The following ZNF503 variants were observed in gnomAD, a reference collection of about 807,000 sequenced individuals.
ZNF503 encodes zinc finger protein 503.
A neutral mutation model predicts 34.4 loss-of-function variants in ZNF503; 15 were observed. The observed-to-expected ratio is 0.44, with a 90% CI of 0.29 to 0.67. The LOEUF (loss-of-function observed/expected upper bound fraction) is 0.67. ZNF503 is among the 30% of genes least tolerant of loss of function. The pLI is 0.13. For synonymous variants in ZNF503, 580 were observed against 456.8 expected (o/e 1.27, Z -3.44); for missense variants, 1,007 against 926.8 (o/e 1.09, Z -1.12).
chr10:75,326,163 A>G, the ZNF503 span, among the ~76,000 whole-genome samples: 1 of 152,252 alleles, frequency 6.6e-6, no homozygotes, highest in Non-Finnish European at 1.5e-5. Context: ...GTAGAAATAC[A>G]ATTGATTTTT....
chr10:75,287,339 A>C, the ZNF503 span, among the ~76,000 whole-genome samples: 5 of 151,952 alleles, frequency 3.3e-5, no homozygotes, highest in African/African-American at 9.7e-5. Flanking sequence ...ATATCTGAAC[A>C]CAAGCACACT....
chr10:75,354,038 G>A, the ZNF503 span, among the ~76,000 whole-genome samples: 28 of 152,344 alleles, frequency 1.8e-4, no homozygotes, highest in African/African-American at 6.0e-4. Flanking sequence ...CATTTGAGCT[G>A]TCTTCAGGAG....
the ZNF503 span, among the ~76,000 whole-genome samples, chr10:75,299,430 T>C: frequency 6.6e-6 from 1 of 152,336 alleles, no homozygotes; most frequent in African/African-American, 2.4e-5. Flanking sequence ...AGTATTACTG[T>C]CGAATTATCT....
At position 75,399,150 on chromosome 10, in the gene ZNF503, G is replaced by GGGGGAGTGGGTCGTT; in HGVS notation, c.1525_1539dup (p.Asn509_Pro513dup). The GGGGGAGTGGGTCGTT allele has an allele frequency of 6.2e-7, 1 of 1,613,302 alleles. No homozygotes were observed. The highest frequency in any genetic ancestry group is 1.1e-5 in the South Asian group (1 of 91,052). On this transcript the variant is annotated inframe_insertion, in exon 2 of 2. Coordinates refer to ENST00000372524, the MANE Select transcript of ZNF503 (RefSeq NM_032772.6). The stretch of plus-strand genomic sequence containing the variant: ...TTGGCCGACACCCAGTTGCAGATGT[G>GGGGGAGTGGGTCGTT]GGGGAGTGGGTCGTTAGGGAGCATA...
chr10:75,337,771 A>G, the ZNF503 span, among the ~76,000 whole-genome samples: 1 of 152,258 alleles, frequency 6.6e-6, no homozygotes, highest in Admixed American at 6.5e-5. Flanking sequence ...AGGACCACTT[A>G]GGTTCAGTGG....
rs1843728237 is a variant in ZNF503, at chr10:75,398,373, CAAACT to C, written c.*371_*375del. 1 of 175,410 alleles carries C rather than the reference CAAACT, an allele frequency of 5.7e-6. No individual in the cohort carries two copies. The allele number at this position is 175,410 out of a possible 1,614,324, so 10.9% of individuals were successfully genotyped here. A position where few individuals can be genotyped will look rare whatever the true frequency, so the allele number is the denominator to read the frequency against. On this transcript the variant is annotated 3_prime_UTR_variant, in exon 2 of 2. Transcript: ENST00000372524. ...CCACCTCCTTTTTACCTACAGAGCT[CAAACT>C]AAATAATGCACTTTTGAACCACCGG...
At chr10:75,319,205 A>T in the ZNF503 span, among the ~76,000 whole-genome samples, 2 of 152,088 alleles carry the variant, frequency 1.3e-5, no homozygotes, top group Admixed American at 1.3e-4. Flanking sequence ...GACTCAAGCA[A>T]TCCCTCCCAA....
At chr10:75,296,089 C>T in the ZNF503 span, among the ~76,000 whole-genome samples, 4 of 152,162 alleles carry the variant, frequency 2.6e-5, no homozygotes, top group South Asian at 2.1e-4. Context: ...ATTATAGCCC[C>T]GTGGTAATAA....
the ZNF503 span, among the ~76,000 whole-genome samples, chr10:75,349,829 T>C: frequency 6.6e-6 from 1 of 152,120 alleles, no homozygotes; most frequent in African/African-American, 2.4e-5. Flanking sequence ...ACAAAAAAAA[T>C]GAATGTTTGT....
the ZNF503 span, among the ~76,000 whole-genome samples, chr10:75,344,413 A>G: frequency 6.6e-6 from 1 of 152,252 alleles, no homozygotes; most frequent in Non-Finnish European, 1.5e-5. Flanking sequence ...GGCACAGCTC[A>G]GACCAATAAG....
chr10:75,323,062 T>C, the ZNF503 span, among the ~76,000 whole-genome samples: 1 of 152,186 alleles, frequency 6.6e-6, no homozygotes, highest in Non-Finnish European at 1.5e-5. Context: ...TTGTTCCGTG[T>C]TTTCCCCTTG....
the ZNF503 span, chr10:75,358,964 C>A: frequency 6.6e-6 from 1 of 152,268 alleles, no homozygotes; most frequent in East Asian, 1.9e-4. Context: ...CTCCGGTCCA[C>A]CCTGGGTGCA....
chr10:75,378,909 C>T, the ZNF503 span, among the ~76,000 whole-genome samples: 27 of 152,134 alleles, frequency 1.8e-4, 1 homozygote, highest in Non-Finnish European at 4.0e-4. Context: ...AAAGAAGCTG[C>T]AATTTCCTTT....
Position 75,401,359 on chromosome 10 carries a change from C to T in ZNF503, c.61G>A (p.Gly21Ser), listed in dbSNP as rs1843813440. The T allele has an allele frequency of 1.3e-6, 2 of 1,537,890 alleles. No individual in the cohort carries two copies. Among genetic ancestry groups the T allele is most frequent in the Non-Finnish European group, 1.7e-6 (2 of 1,145,816 alleles). The change falls in exon 1 of 2, where the codon GGC becomes AGC. Residue 21 changes from glycine (G) to serine (S), a missense_variant. Transcript: ENST00000372524. The stretch of plus-strand genomic sequence containing the variant: ...TCTGCACCGCCGCCTCCGCCTCCGC[C>T]GCCGCCGCCGCCGCTGTGCTTACTG... ...RSSKHSGGGG[G>S]GGGGGGADPA...
the ZNF503 span, among the ~76,000 whole-genome samples, chr10:75,346,708 C>G: frequency 1.3e-5 from 2 of 152,092 alleles, no homozygotes; most frequent in African/African-American, 2.4e-5. Context: ...TCCCAAAGTA[C>G]TGGGATTACA....
At chr10:75,396,852 G>T (rs1282768809), downstream of ZNF503, among the ~76,000 whole-genome samples, 1 of 152,242 alleles carries the variant, frequency 6.6e-6, no homozygotes, top group Admixed American at 6.5e-5. The surrounding 1 kb of genome is among the most constrained non-coding windows in gnomAD (Gnocchi z 4.4). Context: ...CCCCCCAAAA[G>T]GGACTGAGAC....
chr10:75,400,347 G>A lies in ZNF503; in HGVS notation c.343C>T (p.Leu115=), dbSNP rs376800412. 4.3e-6 allele frequency: 7 copies of A among 1,610,288 alleles called. No homozygotes were observed. The highest frequency in any genetic ancestry group is 5.9e-6 in the Non-Finnish European group (7 of 1,177,852). The change falls in exon 2 of 2, where the codon CTG becomes TTG. Residue 115 remains leucine, a synonymous_variant. Coordinates refer to ENST00000372524, the MANE Select transcript of ZNF503 (RefSeq NM_032772.6). The stretch of plus-strand genomic sequence containing the variant: ...ATCTGCGAACATGTTTGCGCCAACA[G>A]CGCCAGCGGGCTCTTCTTGGCATCG... ...ELDAKKSPLA[L]LAQTCSQIGK... is the part of the protein sequence containing the mutation.
At chr10:75,348,203 C>G in the ZNF503 span, among the ~76,000 whole-genome samples, 2 of 152,092 alleles carry the variant, frequency 1.3e-5, no homozygotes, top group African/African-American at 4.8e-5. Context: ...GCTGGGATTA[C>G]AGTCATGTGC....
Position 75,398,970 on chromosome 10 carries a change from G to T in ZNF503, c.1720C>A (p.His574Asn). Residue 574 changes from histidine to asparagine, a missense_variant, in exon 2 of 2, where the codon CAC becomes AAC. His to Asn is a moderately conservative substitution (Grantham distance 68). Transcript: ENST00000372524. ...AAAAAMACHM[H>N]IPTSGAPGSP... is the part of the protein sequence containing the mutation. ...CCCGGTGCGCCCGAGGTGGGGATGT[G>T]CATGTGGCAAGCCATGGCGGCCGCG... 6.2e-7 allele frequency: 1 copy of T among 1,605,066 alleles called. No individual in the cohort carries two copies.
Sources: gnomAD v4.1 joint callset for allele counts (sites outside exome capture counted in the v4.1 genomes callset) on GRCh38, gnomAD v4.1.1 for gene constraint, Gnocchi (gnomAD v3.1) non-coding constraint, MANE v1.5 for transcripts, NCBI Gene and HGNC (gene_info 2026-07-23, HGNC 2026-07-21) for gene names.